Variants in SLC22A2 observed in about 807,000 individuals in gnomAD.
The protein encoded by SLC22A2 is organic cation transporter 2.
SLC22A2 carries 46 observed loss-of-function variants against 60.5 expected under a neutral mutation model. The ratio of observed to expected loss-of-function variants is 0.76; its 90% confidence interval spans 0.60 to 0.97. The LOEUF (loss-of-function observed/expected upper bound fraction) is 0.97, where lower values mean the gene tolerates loss of function less well. Ranked by LOEUF, SLC22A2 falls within the 50% of genes least tolerant of loss-of-function variation. The pLI is 0.00. For missense variants in SLC22A2, 701 were observed against 706.6 expected, an observed-to-expected ratio of 0.99 and a Z score of 0.09; for synonymous variants, 303 against 267.0, an observed-to-expected ratio of 1.13 and a Z score of -1.31.
chr6:160,225,230 T>C (rs1475337869), intron 9 of SLC22A2, among the ~76,000 whole-genome samples: 3 of 152,228 alleles, frequency 2.0e-5, no homozygotes, highest in African/African-American at 4.8e-5. Flanking sequence ...TCTATTACTA[T>C]GTAAGAGCAC....
Position 160,258,485 on chromosome 6 carries a change from G to T in SLC22A2, c.273C>A (p.Arg91=). 1 of 1,614,186 alleles carries T rather than the reference G, an allele frequency of 6.2e-7. No homozygotes were observed. ...TGCTCTGGTTCCAGTCCACCTCGTA[G>T]CGCCTACACTGTCTTGGGGAGGCTT... ...AGEASPRQCR[R]YEVDWNQSTF... The change falls in exon 1 of 11, where the codon CGC becomes CGA. Residue 91 remains arginine, a synonymous_variant. Coordinates refer to ENST00000366953, the MANE Select transcript of SLC22A2 (RefSeq NM_003058.4).
At chr6:160,249,159 C>A (rs1406843291) in intron 4 of SLC22A2, 57 bp downstream of exon 4, 2 of 1,275,950 alleles carry the variant, frequency 1.6e-6, no homozygotes, top group East Asian at 4.8e-5. Flanking sequence ...GGAAGGCAGA[C>A]TTCTTAGCAG....
At chr6:160,224,827 T>C (rs1782698217) in intron 9 of SLC22A2, 23 bp from the exon 10 acceptor site, 1 of 1,410,902 alleles carries the variant, frequency 7.1e-7, no homozygotes, top group African/African-American at 1.4e-5. Context: ...CAGATGAATA[T>C]CACATTAAGA....
chr6:160,258,080 G>A, intron 1 of SLC22A2: 1 of 465,024 alleles, frequency 2.2e-6, no homozygotes, highest in Non-Finnish European at 3.8e-6. Flanking sequence ...GTCCTAATAT[G>A]CTTTGGCCTG....
intron 9 of SLC22A2, among the ~76,000 whole-genome samples, chr6:160,227,458 C>T (rs1172635563): frequency 6.6e-6 from 1 of 152,152 alleles, no homozygotes; most frequent in African/African-American, 2.4e-5. Context: ...TAATGGATAC[C>T]TCGCATGTAT....
At chr6:160,233,819 C>T (rs1782866503) in intron 9 of SLC22A2, among the ~76,000 whole-genome samples, 4 of 151,828 alleles carry the variant, frequency 2.6e-5, no homozygotes, top group Admixed American at 2.6e-4. Flanking sequence ...CCCTGAGAAA[C>T]ATCACTCATC....
At chr6:160,255,344 G>T (rs316008) in intron 2 of SLC22A2, among the ~76,000 whole-genome samples, 109,236 of 152,040 alleles carry the variant, frequency 0.72, 40,490 homozygotes, top group East Asian at 0.87. Flanking sequence ...TATGCCTTGG[G>T]GGTGTGATAT....
In SLC22A2 at chr6:160,217,408, T is replaced by G. The variant is rs1175650180; in HGVS notation, c.*24A>C. ...TCTTGCTGCCATCAAAGCTAGGTCA[T>G]GACAGCAGCAACGGTCTCTCTTCTT... On this transcript the variant is annotated 3_prime_UTR_variant, in exon 11 of 11. Coordinates refer to ENST00000366953, the MANE Select transcript of SLC22A2 (RefSeq NM_003058.4). 1 of 1,523,312 alleles carries G rather than the reference T, an allele frequency of 6.6e-7. No homozygotes were observed. Among genetic ancestry groups the G allele is most frequent in the African/African-American group, 1.4e-5 (1 of 72,654 alleles). 94.4% of individuals were successfully genotyped at this position (1,523,312 alleles called of 1,614,324 possible).
rs1437687050 is a variant in SLC22A2, at chr6:160,217,482, C to A, written c.1618G>T (p.Glu540Ter). 6.3e-7 allele frequency: 1 copy of A among 1,595,032 alleles called. No homozygotes were observed. ...ENMQRPRKNK[E>*]KMIYLQVQKL... is the part of the protein sequence containing the mutation. ...TGAACTTGGAGGTAAATCATCTTTT[C>A]TTTATTTTTTCTTGGTCTGCAATAA... The change falls in exon 11 of 11, where the codon GAA becomes TAA. Residue 540 changes from glutamate to a stop codon, truncating the protein, a stop_gained. Transcript: ENST00000366953. LOFTEE classifies it high-confidence loss of function.
chr6:160,242,078 C>G (rs1783017822), intron 8 of SLC22A2, among the ~76,000 whole-genome samples: 2 of 152,072 alleles, frequency 1.3e-5, no homozygotes, highest in African/African-American at 4.8e-5. Flanking sequence ...CCCTGTCTTG[C>G]AATTCAATTT....
At position 160,235,614 on chromosome 6, in the gene SLC22A2, GGCT is replaced by G. The variant is rs112415523; in HGVS notation, c.1501+5857_1501+5859del. Among the ~76,000 whole-genome samples the G allele has an allele frequency of 7.4e-3, 1,093 of 148,064 alleles. 11 individuals are homozygous for G. Among genetic ancestry groups the G allele is most frequent in the African/African-American group, 0.026 (1,046 of 40,332 alleles). ...AAGAAATTCTGTGTGTGAATATATT[GGCT>G]AAAGTTAAAGGGGTATCATTCAGTT... On this transcript the variant is annotated intron_variant, in intron 9 of 10. Coordinates refer to ENST00000366953, the MANE Select transcript of SLC22A2 (RefSeq NM_003058.4).
chr6:160,239,043 A>G (rs1782956589), intron 9 of SLC22A2, among the ~76,000 whole-genome samples: 1 of 152,128 alleles, frequency 6.6e-6, no homozygotes, highest in Non-Finnish European at 1.5e-5. Flanking sequence ...TTGGTGATAA[A>G]ACAGGAAGTG....
chr6:160,223,125 T>C (rs73602410), intron 10 of SLC22A2, among the ~76,000 whole-genome samples: 1,820 of 152,334 alleles, frequency 0.012, 54 homozygotes, highest in African/African-American at 0.042. Context: ...GTTTGTGGTA[T>C]CAGCAGGCCA....
intron 2 of SLC22A2, among the ~76,000 whole-genome samples, chr6:160,256,128 C>T (rs773484570): frequency 3.9e-5 from 6 of 151,902 alleles, no homozygotes; most frequent in African/African-American, 7.3e-5. Context: ...ATATATGGCC[C>T]CAGGAACCCA....
At chr6:160,257,443 A>G (rs919003846) in intron 1 of SLC22A2, among the ~76,000 whole-genome samples, 8 of 152,068 alleles carry the variant, frequency 5.3e-5, no homozygotes, top group Non-Finnish European at 8.8e-5. Context: ...GGCCTGGGGA[A>G]AAACCTTCTC....
intron 5 of SLC22A2, among the ~76,000 whole-genome samples, chr6:160,246,394 A>C (rs1373981263): frequency 2.6e-5 from 4 of 152,234 alleles, no homozygotes; most frequent in Admixed American, 2.0e-4. Context: ...GGCAAACAAT[A>C]AACACAGGTA....
intron 2 of SLC22A2, 51 bp downstream of exon 2, chr6:160,256,563 T>C (rs1783274393): frequency 1.5e-6 from 2 of 1,302,094 alleles, no homozygotes; most frequent in Non-Finnish European, 1.1e-6. Flanking sequence ...ATCCAAGTGT[T>C]CTCCAAACCT....
Position 160,217,337 on chromosome 6 carries a change from T to C in SLC22A2, c.*95A>G. On this transcript the variant is annotated 3_prime_UTR_variant, in exon 11 of 11. Transcript: ENST00000366953. Reference sequence around the variant, plus strand: ...GATAGGGCTCAGGGGTAAGTTTGGTTGAGTTGTATGGGCTTTGTGATGAGT... The same window carrying C: ...GATAGGGCTCAGGGGTAAGTTTGGTCGAGTTGTATGGGCTTTGTGATGAGT... 2.7e-6 allele frequency: 2 copies of C among 741,042 alleles called. No homozygotes were observed. The highest frequency in any genetic ancestry group is 4.6e-6 in the Non-Finnish European group (2 of 439,144). 45.9% of individuals were successfully genotyped at this position (741,042 alleles called of 1,614,324 possible).
Position 160,249,470 on chromosome 6 carries a change from C to A in SLC22A2, c.674-86G>T, listed in dbSNP as rs1414315498. ...TATCAGGAAACTAGAACACCAACCT[C>A]AAAAATATAGACAAATTCTAGAATA... On this transcript the variant is annotated intron_variant, in intron 3 of 10. Coordinates refer to ENST00000366953, the MANE Select transcript of SLC22A2 (RefSeq NM_003058.4). 4.3e-6 allele frequency: 4 copies of A among 937,302 alleles called. No homozygotes were observed. The African/African-American group carries it at 6.7e-5, about 16-fold the overall frequency. 58.1% of individuals were successfully genotyped at this position (937,302 alleles called of 1,614,324 possible). A position where few individuals can be genotyped will look rare whatever the true frequency, so the allele number is the denominator to read the frequency against.
Sources: allele counts gnomAD v4.1 joint callset (sites outside exome capture counted in the v4.1 genomes callset), GRCh38; gene constraint gnomAD v4.1.1; transcripts MANE v1.5; gene names NCBI Gene and HGNC (gene_info 2026-07-23, HGNC 2026-07-21).